Variants in PTPRG observed in about 807,000 individuals in gnomAD.
The protein encoded by PTPRG is receptor-type tyrosine-protein phosphatase gamma.
Under a neutral mutation model 165.3 loss-of-function variants are expected in PTPRG, and 102 were observed. That is an observed-to-expected ratio of 0.62 (90% CI 0.53 to 0.73). PTPRG has a LOEUF of 0.73. Ranked by LOEUF, PTPRG falls within the 30% of genes least tolerant of loss-of-function variation. PTPRG has a pLI of 0.00. For synonymous variants in PTPRG, 675 were observed against 669.5 expected, an observed-to-expected ratio of 1.01 and a Z score of -0.13; for missense variants, 1,866 against 1,861.4, an observed-to-expected ratio of 1.00 and a Z score of -0.05.
intron 2 of PTPRG, among the ~76,000 whole-genome samples, chr3:61,859,875 A>G (rs985682907): frequency 6.6e-6 from 1 of 152,198 alleles, no homozygotes; most frequent in Admixed American, 6.5e-5. Context: ...AAACTCTCCC[A>G]TCTGCTGTAT....
rs1197218097 is a variant in PTPRG at position 61,672,798 on chromosome 3, A to AGG, written c.86-76076_86-76075dup. Among the ~76,000 whole-genome samples, 836 of 134,796 alleles carry AGG rather than the reference A, an allele frequency of 6.2e-3. 14 individuals carry two copies. The highest frequency in any genetic ancestry group is 0.023 in the African/African-American group (790 of 34,504). The allele number at this position is 134,796 out of a possible 152,430, so 88.4% of individuals were successfully genotyped here. On this transcript the variant is annotated intron_variant, in intron 1 of 29. Transcript: ENST00000474889. Reference sequence around the variant, plus strand: ...GGGAGAGAGGGAGAGAGAGGGAGAGAGGGGGAGAGAGAGGGAGAGAGAGAG... The same window carrying AGG: ...GGGAGAGAGGGAGAGAGAGGGAGAGAGGGGGGGAGAGAGAGGGAGAGAGAGAG...
intron 4 of PTPRG, among the ~76,000 whole-genome samples, chr3:62,034,364 A>G (rs1353242863): frequency 6.6e-6 from 1 of 152,222 alleles, no homozygotes; most frequent in African/African-American, 2.4e-5. Context: ...TTTCATACAC[A>G]TCATGTCAGG....
At chr3:62,173,957 T>C (rs1705319154) in intron 8 of PTPRG, among the ~76,000 whole-genome samples, 1 of 152,228 alleles carries the variant, frequency 6.6e-6, no homozygotes, top group Non-Finnish European at 1.5e-5. Flanking sequence ...AAGACTTCTA[T>C]ATGGATGTCA....
chr3:61,988,072 G>A (rs953227646), intron 2 of PTPRG, among the ~76,000 whole-genome samples: 6 of 152,218 alleles, frequency 3.9e-5, no homozygotes, highest in Non-Finnish European at 8.8e-5. Flanking sequence ...ATAGTAGCGC[G>A]ACACTTATAA....
chr3:61,642,230 T>C (rs1702085880), intron 1 of PTPRG, among the ~76,000 whole-genome samples: 1 of 152,100 alleles, frequency 6.6e-6, no homozygotes, highest in African/African-American at 2.4e-5. Context: ...CGTATGCCTC[T>C]CTCTCCTTGG....
At chr3:62,110,916 A>G (rs1054424427) in intron 5 of PTPRG, among the ~76,000 whole-genome samples, 2 of 152,174 alleles carry the variant, frequency 1.3e-5, no homozygotes, top group African/African-American at 4.8e-5. Context: ...GGGCTTTAGG[A>G]GGCATCTCTT....
At chr3:62,018,883 A>G (rs1368941304) in intron 4 of PTPRG, among the ~76,000 whole-genome samples, 2 of 152,152 alleles carry the variant, frequency 1.3e-5, no homozygotes, top group Admixed American at 1.3e-4. Flanking sequence ...ACAGACAGTA[A>G]GTGAGCCTGC....
intron 1 of PTPRG, among the ~76,000 whole-genome samples, chr3:61,670,651 A>G (rs1702948917): frequency 2.0e-5 from 3 of 152,188 alleles, no homozygotes; most frequent in African/African-American, 7.2e-5. Context: ...GAAGGGGACC[A>G]GCTATGGGAG....
chr3:62,133,990 A>T (rs557651701), intron 6 of PTPRG, among the ~76,000 whole-genome samples: 11 of 152,296 alleles, frequency 7.2e-5, no homozygotes, highest in African/African-American at 2.2e-4. Context: ...CTCAAAAAAA[A>T]AAAGATATAT....
intron 2 of PTPRG, among the ~76,000 whole-genome samples, chr3:61,981,966 A>G (rs1236895212): frequency 6.6e-6 from 1 of 152,198 alleles, no homozygotes; most frequent in African/African-American, 2.4e-5. Flanking sequence ...ATTTGGAGCC[A>G]ACATGCAAGG....
intron 5 of PTPRG, among the ~76,000 whole-genome samples, chr3:62,106,388 G>A (rs999661241): frequency 1.3e-5 from 2 of 152,108 alleles, no homozygotes; most frequent in African/African-American, 4.8e-5. Context: ...ATCAGAGTGC[G>A]GGATCTCTTG....
At chr3:61,902,450 A>C (rs182459374) in intron 2 of PTPRG, among the ~76,000 whole-genome samples, 1 of 152,198 alleles carries the variant, frequency 6.6e-6, no homozygotes, top group Non-Finnish European at 1.5e-5. Context: ...ATTAAGATTC[A>C]TCAAATGGAA....
intron 2 of PTPRG, among the ~76,000 whole-genome samples, chr3:61,819,466 G>T (rs1228258474): frequency 6.6e-6 from 1 of 152,144 alleles, no homozygotes; most frequent in Admixed American, 6.5e-5. Context: ...AGCACTAGAG[G>T]TGACACAGTT....
intron 4 of PTPRG, among the ~76,000 whole-genome samples, chr3:62,019,742 G>T (rs1032632971): frequency 6.6e-6 from 1 of 152,048 alleles, no homozygotes; most frequent in Non-Finnish European, 1.5e-5. Context: ...GAAACATAAT[G>T]TTGTATGCCA....
intron 14 of PTPRG, among the ~76,000 whole-genome samples, chr3:62,235,090 G>C (rs1172787599): frequency 6.6e-6 from 1 of 152,126 alleles, no homozygotes; most frequent in East Asian, 1.9e-4. Flanking sequence ...TTGCCAAGAG[G>C]CTTTTACCCA....
chr3:61,906,353 G>C (rs1350393526), intron 2 of PTPRG, among the ~76,000 whole-genome samples: 2 of 151,878 alleles, frequency 1.3e-5, no homozygotes, highest in African/African-American at 4.8e-5. Context: ...CTCCTCGGGA[G>C]GCTGAGGCAG....
At position 62,281,621 on chromosome 3, in the gene PTPRG, T is replaced by C; in HGVS notation, c.3824T>C (p.Phe1275Ser). The change falls in exon 27 of 30, where the codon TTT (phenylalanine) becomes TCT (serine). Residue 1275 changes from phenylalanine to serine, a missense_variant. Transcript: ENST00000474889. ...GAAGAATCCATGAACTGTGAGGCCT[T>C]TACCGTCACCCTTATCAGCAAAGAC... Reference protein sequence around the residue: ...SREESMNCEAFTVTLISKDRL... With the variant: ...SREESMNCEASTVTLISKDRL... 6 of 1,581,170 alleles carry C rather than the reference T, an allele frequency of 3.8e-6. No homozygotes were observed. Among genetic ancestry groups the C allele is most frequent in the African/African-American group, 1.4e-5 (1 of 71,364 alleles).
intron 2 of PTPRG, chr3:61,749,431 A>G (rs1273605834): frequency 1.1e-5 from 3 of 280,728 alleles, no homozygotes; most frequent in East Asian, 2.4e-4. Context: ...TTTAAATCAC[A>G]TCTTGTTCTT....
In PTPRG at chr3:62,254,321, A is replaced by G. The variant is rs1284010863; in HGVS notation, c.2468-803A>G. On this transcript the variant is annotated intron_variant, in intron 15 of 29. Transcript: ENST00000474889. This position sits in a 1 kb window ranked among gnomAD's most constrained non-coding sequence, Gnocchi z 4.6. ...GGGGAGGGTCGAGGGAGAAGGGAAGAAGGAGGTTGGGGAGCTCCAGTTAGT... is the reference window on the plus strand; with the variant it reads ...GGGGAGGGTCGAGGGAGAAGGGAAGGAGGAGGTTGGGGAGCTCCAGTTAGT... Among the ~76,000 whole-genome samples, 2 of 152,278 alleles carry G rather than the reference A, an allele frequency of 1.3e-5. No individual in the cohort carries two copies. The highest frequency in any genetic ancestry group is 2.9e-5 in the Non-Finnish European group (2 of 68,010).
Sources: allele counts gnomAD v4.1 joint callset (sites outside exome capture counted in the v4.1 genomes callset), GRCh38; gene constraint gnomAD v4.1.1; non-coding constraint Gnocchi (gnomAD v3.1); transcripts MANE v1.5; gene names NCBI Gene and HGNC (gene_info 2026-07-23, HGNC 2026-07-21).